Variants in RNLS observed in about 807,000 individuals in gnomAD.
The protein encoded by RNLS is renalase, FAD dependent amine oxidase.
In RNLS, 39 loss-of-function variants were observed where a neutral mutation model predicts 39.8. That is an observed-to-expected ratio of 0.98 (90% confidence interval 0.76 to 1.28). The LOEUF is 1.28. Among genes scored for constraint, RNLS ranks in the 50% most tolerant of loss-of-function variants. The pLI is 0.00. For synonymous variants in RNLS, 147 were observed against 150.7 expected (o/e 0.98, Z 0.18); for missense variants, 410 against 413.3 (o/e 0.99, Z 0.07).
rs117103721 is a variant in RNLS, at chr10:88,323,339, T to C, written c.701-8698A>G. ...GAGAACAAGGCTGGAGGCATCACAT[T>C]ACCCAAACTCAAAGTATACTACAAG... On this transcript the variant is annotated intron_variant, in intron 5 of 6. Coordinates refer to ENST00000331772, the MANE Select transcript of RNLS (RefSeq NM_001031709.3). Among the ~76,000 whole-genome samples, 504 of 152,292 alleles carry C rather than the reference T, an allele frequency of 3.3e-3. 1 individual carries two copies. The highest frequency in any genetic ancestry group is 5.0e-3 in the Non-Finnish European group (339 of 68,018).
At chr10:88,406,113 C>T (rs1168736956) in intron 4 of RNLS, among the ~76,000 whole-genome samples, 1 of 152,092 alleles carries the variant, frequency 6.6e-6, no homozygotes, top group African/African-American at 2.4e-5. Flanking sequence ...GATAGGTTTT[C>T]CTGTAAAGGT....
At chr10:88,420,634 C>T (rs2133755615) in intron 4 of RNLS, among the ~76,000 whole-genome samples, 1 of 152,314 alleles carries the variant, frequency 6.6e-6, no homozygotes, top group South Asian at 2.1e-4. Flanking sequence ...ATAGAGCCCA[C>T]CTGGATAATC....
intron 4 of RNLS, among the ~76,000 whole-genome samples, chr10:88,377,131 T>A (rs994279323): frequency 2.6e-5 from 4 of 152,066 alleles, no homozygotes; most frequent in Non-Finnish European, 2.9e-5. Context: ...TGCATATAAG[T>A]CAGAAATATT....
intron 6 of RNLS, among the ~76,000 whole-genome samples, chr10:88,300,324 A>C (rs939537235): frequency 6.6e-6 from 1 of 152,216 alleles, no homozygotes; most frequent in African/African-American, 2.4e-5. Flanking sequence ...CTGTCTAATA[A>C]AATGCTGATG....
At chr10:88,401,251 A>T (rs1852898298) in intron 4 of RNLS, among the ~76,000 whole-genome samples, 1 of 152,208 alleles carries the variant, frequency 6.6e-6, no homozygotes, top group East Asian at 1.9e-4. Context: ...ATAAACCAGA[A>T]GTTATAAATT....
chr10:88,246,573 G>A, the RNLS span, among the ~76,000 whole-genome samples: 1 of 151,652 alleles, frequency 6.6e-6, no homozygotes, highest in Non-Finnish European at 1.5e-5. Flanking sequence ...TGCGTCCAGT[G>A]TGTAATGTAG....
intron 6 of RNLS, among the ~76,000 whole-genome samples, chr10:88,286,255 A>T (rs998571935): frequency 6.6e-6 from 1 of 152,090 alleles, no homozygotes; most frequent in Non-Finnish European, 1.5e-5. Flanking sequence ...GAGCAGGAGA[A>T]TTTTAAAATT....
intron 4 of RNLS, among the ~76,000 whole-genome samples, chr10:88,406,615 A>G (rs938138380): frequency 1.3e-5 from 2 of 152,050 alleles, no homozygotes; most frequent in African/African-American, 4.8e-5. Flanking sequence ...GGGAATGTAA[A>G]CTAGTACAGC....
chr10:88,500,425 T>C (rs1845409721), intron 4 of RNLS, among the ~76,000 whole-genome samples: 1 of 152,174 alleles, frequency 6.6e-6, no homozygotes, highest in Admixed American at 6.5e-5. Flanking sequence ...TTCAGTGATT[T>C]TGGACTAAAT....
At chr10:88,518,482 A>G (rs1846530172) in intron 4 of RNLS, among the ~76,000 whole-genome samples, 1 of 152,012 alleles carries the variant, frequency 6.6e-6, no homozygotes. Context: ...ACAACATGTC[A>G]TTTACATTTG....
the RNLS span, among the ~76,000 whole-genome samples, chr10:88,206,673 T>G: frequency 6.6e-6 from 1 of 152,170 alleles, no homozygotes; most frequent in Admixed American, 6.6e-5. Context: ...CTGCGGTAGA[T>G]TGCTAATACA....
intron 5 of RNLS, among the ~76,000 whole-genome samples, chr10:88,340,827 C>T (rs532460041): frequency 6.3e-4 from 95 of 151,946 alleles, no homozygotes; most frequent in Admixed American, 1.6e-3. Context: ...TTTGGGAGGC[C>T]GAGGCGGGCA....
chr10:88,535,734 T>C (rs1847718244), intron 4 of RNLS, among the ~76,000 whole-genome samples: 1 of 151,904 alleles, frequency 6.6e-6, no homozygotes, highest in African/African-American at 2.4e-5. Flanking sequence ...ATGATAGAAA[T>C]AATAAACTAG....
chr10:88,566,053 A>AT (rs1373895887), intron 4 of RNLS, among the ~76,000 whole-genome samples: 15 of 151,810 alleles, frequency 9.9e-5, no homozygotes, highest in Non-Finnish European at 1.5e-4. Flanking sequence ...GGCCAATATC[A>AT]TTTTTTATAA....
chr10:88,327,961 T>G (rs1303349922), intron 5 of RNLS, among the ~76,000 whole-genome samples: 1 of 152,124 alleles, frequency 6.6e-6, no homozygotes, highest in Non-Finnish European at 1.5e-5. Context: ...CAGGCTAGAG[T>G]GCAGTGGCAC....
chr10:88,290,247 G>T (rs1254647256), intron 6 of RNLS, among the ~76,000 whole-genome samples: 4 of 152,162 alleles, frequency 2.6e-5, no homozygotes, highest in Non-Finnish European at 5.9e-5. Context: ...ACAGTCATTT[G>T]TCTGGCCTAT....
At chr10:88,297,214 G>A (rs1844155038) in intron 6 of RNLS, among the ~76,000 whole-genome samples, 1 of 152,154 alleles carries the variant, frequency 6.6e-6, no homozygotes, top group African/African-American at 2.4e-5. Flanking sequence ...GTAAGAAACT[G>A]CCAAAGTATT....
intron 4 of RNLS, among the ~76,000 whole-genome samples, chr10:88,477,469 T>C (rs1843883821): frequency 6.6e-6 from 1 of 151,738 alleles, no homozygotes. Context: ...GGGATGACAA[T>C]GGGGAAGAGG....
intron 5 of RNLS, among the ~76,000 whole-genome samples, chr10:88,333,456 A>G (rs1847261575): frequency 6.6e-6 from 1 of 152,116 alleles, no homozygotes. Flanking sequence ...GAGCCCGCAT[A>G]TTTACTTCCC....
Sources: gnomAD v4.1 joint callset for allele counts (sites outside exome capture counted in the v4.1 genomes callset) on GRCh38, gnomAD v4.1.1 for gene constraint, MANE v1.5 for transcripts, NCBI Gene and HGNC (gene_info 2026-07-23, HGNC 2026-07-21) for gene names.